GCDH: variants seen among roughly 807,000 people sequenced by gnomAD.
The protein encoded by GCDH is glutaryl-CoA dehydrogenase, also known as glutaryl-CoA dehydrogenase, mitochondrial.
A neutral mutation model predicts 52.8 loss-of-function variants in GCDH; 31 were observed. That is an observed-to-expected ratio of 0.59 (90% CI 0.44 to 0.79). GCDH has a LOEUF of 0.79. Ranked by LOEUF, GCDH falls within the 30% of genes least tolerant of loss-of-function variation. The pLI, the probability that GCDH is intolerant of heterozygous loss-of-function variation, is 0.00. For missense variants in GCDH, 509 were observed against 595.0 expected (o/e 0.86, Z 1.50); for synonymous variants, 242 against 250.0 (o/e 0.97, Z 0.30).
At position 12,898,151 on chromosome 19, in the gene GCDH, C is replaced by T. The variant is rs549202392; in HGVS notation, c.1243+288C>T. On this transcript the variant is annotated intron_variant, in intron 11 of 11. Coordinates refer to ENST00000222214, the MANE Select transcript of GCDH (RefSeq NM_000159.4). ...GGATGTTCCTGAGACAGGTAAGCTC[C>T]GAAGGCAGCCCAGGGGTGAGGCCCG... 8.9e-5 allele frequency: 41 copies of T among 460,384 alleles called. No individual in the cohort carries two copies. In the East Asian group the frequency reaches 1.6e-3, roughly 18 times the overall value. 28.5% of individuals were successfully genotyped at this position (460,384 alleles called of 1,614,324 possible). A position where few individuals can be genotyped will look rare whatever the true frequency, so the allele number is the denominator to read the frequency against.
rs755849125 is a variant in GCDH, at chr19:12,899,581, T to C, written c.*40T>C. 1.2e-6 allele frequency: 2 copies of C among 1,613,998 alleles called. No homozygotes were observed. The highest frequency in any genetic ancestry group is 3.3e-4 in the Middle Eastern group (2 of 6,060). On this transcript the variant is annotated 3_prime_UTR_variant, in exon 12 of 12. Coordinates refer to ENST00000222214, the MANE Select transcript of GCDH (RefSeq NM_000159.4). ...GGCCCGAAACTCTCAAGCCCCTTTCTGGAGAGATGCCTGGCTGGACCGTAG... is the reference window on the plus strand; with the variant it reads ...GGCCCGAAACTCTCAAGCCCCTTTCCGGAGAGATGCCTGGCTGGACCGTAG...
intron 6 of GCDH, chr19:12,894,313 T>A: frequency 1.2e-6 from 1 of 804,008 alleles, no homozygotes; most frequent in Non-Finnish European, 2.2e-6. Flanking sequence ...TAAACAAGGT[T>A]TCCCCTTGAA....
chr19:12,892,879 C>CTTT (rs1044140707), intron 5 of GCDH, among the ~76,000 whole-genome samples: 14 of 130,790 alleles, frequency 1.1e-4, no homozygotes, highest in South Asian at 5.1e-4. Context: ...CGGCCCTTTT[C>CTTT]TTTTTTTTTT....
chr19:12,891,694 G>A, intron 3 of GCDH, 137 bp from the exon 4 acceptor site: 1 of 1,603,714 alleles, frequency 6.2e-7, no homozygotes, highest in South Asian at 1.1e-5. Flanking sequence ...CCGGAGAAAA[G>A]TCACCTGATC....
Position 12,896,131 on chromosome 19 carries a change from C to A in GCDH, c.635+10C>A, listed in dbSNP as rs1599614516. 3.7e-6 allele frequency: 6 copies of A among 1,614,168 alleles called. No homozygotes were observed. Among genetic ancestry groups the A allele is most frequent in the Non-Finnish European group, 5.1e-6 (6 of 1,180,030 alleles). Reference sequence around the variant, plus strand: ...ATGGGACCAAGACCTGGTAAGGGTTCTGGGTGGTGGGCAGGTGGTGAACAG... The same window carrying A: ...ATGGGACCAAGACCTGGTAAGGGTTATGGGTGGTGGGCAGGTGGTGAACAG... On this transcript the variant is annotated intron_variant, in intron 7 of 11. Transcript: ENST00000222214. This position sits in a 1 kb window ranked among gnomAD's most constrained non-coding sequence, Gnocchi z 5.5.
rs56251518 is a variant in GCDH, at chr19:12,895,777, A to ATT, written c.506-195_506-194dup. Among the ~76,000 whole-genome samples, 176 of 110,006 alleles carry ATT rather than the reference A, an allele frequency of 1.6e-3. 1 individual carries two copies. The highest frequency in any genetic ancestry group is 5.9e-3 in the African/African-American group (169 of 28,644). The allele number at this position is 110,006 out of a possible 152,430, so 72.2% of individuals were successfully genotyped here. A position where few individuals can be genotyped will look rare whatever the true frequency, so the allele number is the denominator to read the frequency against. ...CAGGCACCCACCACCACATCTGGCT[A>ATT]TTTTTTTTTTTTTTTTTTTTTAAGT... On this transcript the variant is annotated intron_variant, in intron 6 of 11. Transcript: ENST00000222214.
rs1218131520 is a variant in GCDH, at chr19:12,896,067, G to A, written c.581G>A (p.Arg194Lys). The change falls in exon 7 of 12, where the codon AGA becomes AAA. Residue 194 changes from arginine (R) to lysine (K), a missense_variant. Transcript: ENST00000222214. The surrounding 1 kb of genome is among the most constrained non-coding windows in gnomAD (Gnocchi z 5.5). ...AGTGACCCCAGCAGCATGGAGACCA[G>A]AGCCCACTACAACTCATCCAACAAG... ...SGSDPSSMET[R>K]AHYNSSNKSY... 6.2e-7 allele frequency: 1 copy of A among 1,614,108 alleles called. No individual in the cohort carries two copies. Among genetic ancestry groups the A allele is most frequent in the Non-Finnish European group, 8.5e-7 (1 of 1,180,018 alleles).
intron 6 of GCDH, chr19:12,894,481 A>G (rs1970629584): frequency 2.7e-6 from 2 of 728,696 alleles, no homozygotes; most frequent in South Asian, 1.4e-5. Context: ...TGTAAAAAAA[A>G]GGAGAGAAGG....
At chr19:12,897,517 G>A (rs1010921518) in intron 10 of GCDH, 89 bp downstream of exon 10, 30 of 1,526,134 alleles carry the variant, frequency 2.0e-5, no homozygotes, top group Non-Finnish European at 2.6e-5. Flanking sequence ...TTCCTGCCTG[G>A]TGGCCCTGGG....
At position 12,899,485 on chromosome 19, in the gene GCDH, G is replaced by T; in HGVS notation, c.1261G>T (p.Ala421Ser). 6.2e-7 allele frequency: 1 copy of T among 1,614,158 alleles called. No individual in the cohort carries two copies. Among genetic ancestry groups the T allele is most frequent in the Non-Finnish European group, 8.5e-7 (1 of 1,180,030 alleles). ...TTGTCCAGGTACACATGACATTCAC[G>T]CCCTGATCCTTGGGAGAGCTATCAC... ...NTYEGTHDIH[A>S]LILGRAITGI... is the part of the protein sequence containing the mutation. The change falls in exon 12 of 12, where the codon GCC (alanine) becomes TCC (serine). Residue 421 changes from alanine (A) to serine (S), a missense_variant. By Grantham distance (99) the Ala-to-Ser change is moderately conservative. Transcript: ENST00000222214.
At chr19:12,899,288 C>T in intron 11 of GCDH, 180 bp from the exon 12 acceptor site, 1 of 1,491,178 alleles carries the variant, frequency 6.7e-7, no homozygotes, top group South Asian at 1.1e-5. Flanking sequence ...AAATGGTGGC[C>T]TCACAGTCTT....
chr19:12,893,491 T>C lies in GCDH; in HGVS notation c.343T>C (p.Cys115Arg), dbSNP rs986804753. ...CCTCCTACTACCACCAGGATATGGC[T>C]GTGCTGGGGTTTCGTCTGTGGCCTA... ...VLGPTIKGYG[C>R]AGVSSVAYGL... The change falls in exon 6 of 12, where the codon TGT becomes CGT. Residue 115 changes from cysteine to arginine, a missense_variant. Physicochemically the swap from Cys to Arg is radical, Grantham distance 180. Coordinates refer to ENST00000222214, the MANE Select transcript of GCDH (RefSeq NM_000159.4). 6.2e-7 allele frequency: 1 copy of C among 1,613,974 alleles called. No homozygotes were observed. Among genetic ancestry groups the C allele is most frequent in the African/African-American group, 1.3e-5 (1 of 75,024 alleles).
chr19:12,896,685 T>C lies in GCDH; in HGVS notation c.853-225T>C, dbSNP rs1970689068. ...CATCTTCTGGCATCCGTCAGCCTCCTGGCTCTGAGCATCGAACCCAGATGC... is the reference window on the plus strand; with the variant it reads ...CATCTTCTGGCATCCGTCAGCCTCCCGGCTCTGAGCATCGAACCCAGATGC... On this transcript the variant is annotated intron_variant, in intron 8 of 11. Transcript: ENST00000222214. The surrounding 1 kb of genome is among the most constrained non-coding windows in gnomAD (Gnocchi z 5.5). Among the ~76,000 whole-genome samples the C allele has an allele frequency of 6.6e-6, 1 of 152,224 alleles. No homozygotes were observed. The highest frequency in any genetic ancestry group is 1.5e-5 in the Non-Finnish European group (1 of 68,042).
intron 9 of GCDH, 141 bp from the exon 10 acceptor site, chr19:12,897,162 G>A (rs923886574): frequency 8.0e-6 from 10 of 1,255,008 alleles, no homozygotes; most frequent in Non-Finnish European, 1.1e-5. Flanking sequence ...GCAGCTGTGG[G>A]CTGAGTCAAC....
At chr19:12,893,338 C>A in intron 5 of GCDH, 145 bp from the exon 6 acceptor site, 1 of 701,848 alleles carries the variant, frequency 1.4e-6, no homozygotes, top group South Asian at 1.6e-5. Flanking sequence ...CTGAAAGTGG[C>A]TGTGGAGATG....
At chr19:12,893,828 T>C in intron 6 of GCDH, 175 bp downstream of exon 6, 1 of 686,810 alleles carries the variant, frequency 1.5e-6, no homozygotes, top group East Asian at 2.7e-5. Context: ...CTGGCCAGCC[T>C]GACTGTCCCC....
rs1424846407 is a variant in GCDH at position 12,897,820 on chromosome 19, G to T, written c.1200G>T (p.Val400=). The T allele has an allele frequency of 6.2e-7, 1 of 1,614,038 alleles. No individual in the cohort carries two copies. Reference sequence around the variant, plus strand: ...ATGGGATTTCTGACGAGTATCACGTGATCCGGCACGCCATGAACCTGGAGG... The same window carrying T: ...ATGGGATTTCTGACGAGTATCACGTTATCCGGCACGCCATGAACCTGGAGG... The part of the protein sequence containing the change: ...GGNGISDEYH[V]IRHAMNLEAV... Residue 400 remains valine (V), a synonymous_variant, in exon 11 of 12, where the codon GTG becomes GTT. Coordinates refer to ENST00000222214, the MANE Select transcript of GCDH (RefSeq NM_000159.4).
At chr19:12,899,097 A>T (rs1970768383) in intron 11 of GCDH, 3 of 563,728 alleles carry the variant, frequency 5.3e-6, no homozygotes. Context: ...TCAAACATTT[A>T]ATAAACTGTG....
intron 6 of GCDH, 66 bp downstream of exon 6, chr19:12,893,719 G>A (rs922778757): frequency 7.0e-7 from 1 of 1,428,842 alleles, no homozygotes; most frequent in South Asian, 1.1e-5. Flanking sequence ...CTCAAGGGTG[G>A]GGCTGTCCCC....
Sources: gnomAD v4.1 joint callset for allele counts (sites outside exome capture counted in the v4.1 genomes callset) on GRCh38, gnomAD v4.1.1 for gene constraint, Gnocchi (gnomAD v3.1) non-coding constraint, MANE v1.5 for transcripts, NCBI Gene and HGNC (gene_info 2026-07-23, HGNC 2026-07-21) for gene names.